CLPTM1L: variants seen among roughly 807,000 people sequenced by gnomAD.
CLPTM1L encodes lipid scramblase CLPTM1L.
CLPTM1L carries 38 observed loss-of-function variants against 70.9 expected under a neutral mutation model. The observed-to-expected ratio is 0.54, with a 90% CI of 0.41 to 0.70. The LOEUF is 0.70. CLPTM1L is among the 30% of genes least tolerant of loss of function. CLPTM1L has a pLI of 0.00. For synonymous variants in CLPTM1L, 339 were observed against 299.9 expected (o/e 1.13, Z -1.35); for missense variants, 652 against 705.9 (o/e 0.92, Z 0.87).
intron 2 of CLPTM1L, 48 bp downstream of exon 2, chr5:1,344,303 C>G: frequency 8.1e-7 from 1 of 1,236,124 alleles, no homozygotes; most frequent in Non-Finnish European, 1.2e-6. Flanking sequence ...ACAATCTGAA[C>G]ATGAGTAATG....
intron 2 of CLPTM1L, among the ~76,000 whole-genome samples, chr5:1,343,777 A>G (rs528665457): frequency 6.6e-6 from 1 of 152,344 alleles, no homozygotes; most frequent in South Asian, 2.1e-4. Flanking sequence ...CTCCCAGGCA[A>G]TGAAGGGAAA....
chr5:1,339,082 T>C, intron 3 of CLPTM1L, 77 bp from the exon 4 acceptor site: 3 of 1,518,674 alleles, frequency 2.0e-6, no homozygotes, highest in Non-Finnish European at 2.7e-6. Flanking sequence ...CCCCCTAACC[T>C]GCGAACAGAA....
rs984019462 is a variant in CLPTM1L at position 1,321,851 on chromosome 5, C to A, written c.1316-32G>T. ...AAAGACAGACAGCACTCACGAGGTG[C>A]GGAGGGCCGGGCTGCCACATCTACG... On this transcript the variant is annotated intron_variant, in intron 13 of 16. Coordinates refer to ENST00000320895, the MANE Select transcript of CLPTM1L (RefSeq NM_030782.5). The A allele has an allele frequency of 1.9e-6, 3 of 1,597,538 alleles. No individual in the cohort carries two copies. In the Admixed American group the frequency reaches 5.2e-5, roughly 28 times the overall value.
chr5:1,342,420 T>C lies in CLPTM1L; in HGVS notation c.264-560A>G, dbSNP rs1382869301. Among the ~76,000 whole-genome samples, 1 of 152,160 alleles carries C rather than the reference T, an allele frequency of 6.6e-6. No individual in the cohort carries two copies. The highest frequency in any genetic ancestry group is 2.4e-5 in the African/African-American group (1 of 41,422). On this transcript the variant is annotated intron_variant, in intron 2 of 16. Transcript: ENST00000320895. This position sits in a 1 kb window ranked among gnomAD's most constrained non-coding sequence, Gnocchi z 4.3. ...CTTTCAAGGCTGTCAGTCCTGACTG[T>C]GTGGCATCCAGCACGAGCTGAGGAA... is the stretch of plus-strand genomic sequence containing the variant.
chr5:1,333,712 G>T (rs1579642937), intron 7 of CLPTM1L, among the ~76,000 whole-genome samples: 1 of 142,228 alleles, frequency 7.0e-6, no homozygotes, highest in Non-Finnish European at 1.5e-5. Context: ...GGATAAGGGG[G>T]GACTACTGTA....
chr5:1,331,386 C>T (rs936389098), intron 8 of CLPTM1L: 6 of 232,376 alleles, frequency 2.6e-5, no homozygotes, highest in Non-Finnish European at 5.1e-5. Flanking sequence ...CCCAGGCCTG[C>T]GCTGGTCGGG....
intron 5 of CLPTM1L, among the ~76,000 whole-genome samples, 177 bp downstream of exon 5, chr5:1,337,727 C>G (rs929579200): frequency 3.7e-4 from 57 of 152,326 alleles, no homozygotes; most frequent in African/African-American, 1.4e-3. Context: ...CAGCACACCA[C>G]CAGGGCCCCC....
At chr5:1,334,485 GGCTCAT>G in intron 6 of CLPTM1L, 102 bp from the exon 7 acceptor site, 3 of 777,798 alleles carry the variant, frequency 3.9e-6, no homozygotes, top group Non-Finnish European at 6.3e-6. Flanking sequence ...CGGGCGCAGT[GGCTCAT>G]GCCTGTAAAC....
At chr5:1,338,363 G>A (rs1295735598) in intron 4 of CLPTM1L, 2 of 298,420 alleles carry the variant, frequency 6.7e-6, no homozygotes, top group African/African-American at 4.3e-5. Context: ...TTGGAAGGGC[G>A]AGTCACCTGC....
At chr5:1,325,165 CA>C in intron 10 of CLPTM1L, 1 of 365,036 alleles carries the variant, frequency 2.7e-6, no homozygotes, top group Non-Finnish European at 5.0e-6. Flanking sequence ...AGCCATGGGG[CA>C]AGGTGGAACA....
At position 1,338,369 on chromosome 5, in the gene CLPTM1L, C is replaced by T. The variant is rs1753717896; in HGVS notation, c.600-387G>A. The T allele has an allele frequency of 1.7e-5, 5 of 291,630 alleles. No individual in the cohort carries two copies. In the South Asian group the frequency reaches 2.5e-4, roughly 14 times the overall value. The allele number at this position is 291,630 out of a possible 1,614,324, so 18.1% of individuals were successfully genotyped here. A position where few individuals can be genotyped will look rare whatever the true frequency, so the allele number is the denominator to read the frequency against. ...CCACTACACTTGGAAGGGCGAGTCA[C>T]CTGCAGCCACCTGGGAGGCGGAGCT... On this transcript the variant is annotated intron_variant, in intron 4 of 16. Coordinates refer to ENST00000320895, the MANE Select transcript of CLPTM1L (RefSeq NM_030782.5).
chr5:1,329,161 G>GC (rs1561238104), intron 9 of CLPTM1L, among the ~76,000 whole-genome samples: 1 of 152,222 alleles, frequency 6.6e-6, no homozygotes, highest in East Asian at 1.9e-4. Context: ...GAAGGCCATC[G>GC]CCCCCCTCAA....
intron 12 of CLPTM1L, 51 bp from the exon 13 acceptor site, chr5:1,322,962 T>C: frequency 6.7e-7 from 1 of 1,483,662 alleles, no homozygotes; most frequent in Non-Finnish European, 9.4e-7. Context: ...GCTTAATATC[T>C]GTATTAAATT....
intron 2 of CLPTM1L, among the ~76,000 whole-genome samples, chr5:1,343,478 G>A (rs897713436): frequency 2.0e-5 from 3 of 152,216 alleles, no homozygotes; most frequent in Admixed American, 6.5e-5. Context: ...GGCCCGGCAC[G>A]GAAGAGGCAG....
chr5:1,326,378 G>C, intron 9 of CLPTM1L: 1 of 245,004 alleles, frequency 4.1e-6, no homozygotes, highest in South Asian at 4.7e-5. Context: ...CTCCTCTACA[G>C]ACACATTTCA....
chr5:1,319,169 G>A (rs941901907), intron 16 of CLPTM1L, among the ~76,000 whole-genome samples: 16 of 152,292 alleles, frequency 1.1e-4, no homozygotes, highest in Admixed American at 7.8e-4. Flanking sequence ...AGCAGCGTCC[G>A]GGGCTCCGTG....
intron 4 of CLPTM1L, 37 bp from the exon 5 acceptor site, chr5:1,338,019 A>G (rs1560868113): frequency 6.5e-7 from 1 of 1,537,260 alleles, no homozygotes; most frequent in South Asian, 1.2e-5. Context: ...GTCAGCACCA[A>G]GGCTTTTACC....
chr5:1,339,324 G>A (rs368885147), intron 3 of CLPTM1L, among the ~76,000 whole-genome samples: 4 of 143,176 alleles, frequency 2.8e-5, no homozygotes, highest in African/African-American at 7.9e-5. Context: ...GGGACAGCAG[G>A]GTCAGCGCCC....
chr5:1,318,268 G>T lies in CLPTM1L; in HGVS notation c.*101C>A, dbSNP rs1037168158. On this transcript the variant is annotated 3_prime_UTR_variant, in exon 17 of 17. Transcript: ENST00000320895. The surrounding 1 kb of genome is among the most constrained non-coding windows in gnomAD (Gnocchi z 8.9). ...CTGAGAAATGTCCGAAGGGATTTTG[G>T]CAACACAGAAAACGCAATGTCTAGG... The T allele has an allele frequency of 3.2e-6, 3 of 931,256 alleles. No individual in the cohort carries two copies. The highest frequency in any genetic ancestry group is 2.5e-5 in the East Asian group (1 of 40,396). The allele number at this position is 931,256 out of a possible 1,614,324, so 57.7% of individuals were successfully genotyped here. A position where few individuals can be genotyped will look rare whatever the true frequency, so the allele number is the denominator to read the frequency against.
Sources: allele counts gnomAD v4.1 joint callset (sites outside exome capture counted in the v4.1 genomes callset), GRCh38; gene constraint gnomAD v4.1.1; non-coding constraint Gnocchi (gnomAD v3.1); transcripts MANE v1.5; gene names NCBI Gene and HGNC (gene_info 2026-07-23, HGNC 2026-07-21).